PRH1: variants seen among roughly 807,000 people sequenced by gnomAD.
PRH1 encodes the protein proline rich protein HaeIII subfamily 1.
PRH1 carries 7 observed loss-of-function variants against 7.9 expected under a neutral mutation model. The ratio of observed to expected loss-of-function variants is 0.89; its 90% CI spans 0.50 to 1.67. The LOEUF (loss-of-function observed/expected upper bound fraction) is 1.67. Ranked by LOEUF, PRH1 falls within the 40% of genes most tolerant of loss-of-function variation. The pLI is 0.00. For synonymous variants in PRH1, 45 were observed against 80.8 expected, an observed-to-expected ratio of 0.56 and a Z score of 2.38; for missense variants, 109 against 223.6, an observed-to-expected ratio of 0.49 and a Z score of 3.27.
chr12:11,081,659 T>A (rs2136233396), intron 1 of PRH1, among the ~76,000 whole-genome samples: 1 of 116,174 alleles, frequency 8.6e-6, no homozygotes, highest in South Asian at 2.3e-4. Context: ...CAGAACTACC[T>A]CTCAAAATAT....
intron 2 of PRH1, among the ~76,000 whole-genome samples, chr12:10,921,403 T>C (rs1207294258): frequency 6.6e-6 from 1 of 152,148 alleles, no homozygotes; most frequent in East Asian, 1.9e-4. Context: ...ACCTATGCTT[T>C]TTAAAAACTT....
chr12:10,989,664 T>G (rs1939833575), intron 1 of PRH1, among the ~76,000 whole-genome samples: 1 of 152,176 alleles, frequency 6.6e-6, no homozygotes, highest in Non-Finnish European at 1.5e-5. Context: ...TATGCACATA[T>G]TTACCACTTC....
At chr12:10,914,926 A>T (rs1949952305) in intron 2 of PRH1, among the ~76,000 whole-genome samples, 1 of 152,200 alleles carries the variant, frequency 6.6e-6, no homozygotes, top group Admixed American at 6.5e-5. Flanking sequence ...CAGGAGATCG[A>T]GACCACCCTG....
At chr12:11,122,698 T>C (rs1420948311) in intron 1 of PRH1, among the ~76,000 whole-genome samples, 1 of 152,288 alleles carries the variant, frequency 6.6e-6, no homozygotes, top group Non-Finnish European at 1.5e-5. Context: ...GAGTTATACA[T>C]GAATGTATAC....
At chr12:10,977,320 T>C (rs1023637005) in intron 1 of PRH1, among the ~76,000 whole-genome samples, 1 of 152,182 alleles carries the variant, frequency 6.6e-6, no homozygotes, top group African/African-American at 2.4e-5. Flanking sequence ...GAAAATCGCA[T>C]TATCATCTCG....
At chr12:11,064,079 A>G (rs931064135) in intron 1 of PRH1, among the ~76,000 whole-genome samples, 3 of 152,096 alleles carry the variant, frequency 2.0e-5, no homozygotes, top group Non-Finnish European at 2.9e-5. Context: ...AAGGAACACC[A>G]AACACAACCT....
intron 1 of PRH1, chr12:10,997,382 T>G (rs1281054206): frequency 8.1e-6 from 13 of 1,614,152 alleles, no homozygotes; most frequent in Non-Finnish European, 1.1e-5. Context: ...CAGTTTGATC[T>G]TCCAAGTTAC....
chr12:11,116,787 G>T (rs1420151609), downstream of PRH1, among the ~76,000 whole-genome samples: 1 of 152,048 alleles, frequency 6.6e-6, no homozygotes, highest in Non-Finnish European at 1.5e-5. Context: ...ATCAATCAAT[G>T]TGATACATCA....
At chr12:11,020,391 T>TATATATA (rs1941555578) in intron 1 of PRH1, among the ~76,000 whole-genome samples, 1 of 75,184 alleles carries the variant, frequency 1.3e-5, no homozygotes, top group African/African-American at 3.6e-5. Flanking sequence ...TATATATATA[T>TATATATA]GTCTATAGAT....
chr12:11,142,257 T>C (rs925906522), intron 1 of PRH1, among the ~76,000 whole-genome samples: 7 of 151,840 alleles, frequency 4.6e-5, no homozygotes, highest in Admixed American at 1.3e-4. Flanking sequence ...ACAAGGAGAG[T>C]CTTTATAGGT....
rs1945063451 is a variant in PRH1, at chr12:11,096,127, T to C, written n.124-48939A>G. Among the ~76,000 whole-genome samples, 2 of 116,084 alleles carry C rather than the reference T, an allele frequency of 1.7e-5. 1 individual carries two copies. Among genetic ancestry groups the C allele is most frequent in the Non-Finnish European group, 4.1e-5 (2 of 49,104 alleles). 76.2% of individuals were successfully genotyped at this position (116,084 alleles called of 152,430 possible). A position where few individuals can be genotyped will look rare whatever the true frequency, so the allele number is the denominator to read the frequency against. ...TATGAACTGATATACTTTATCACTTTTGGAAAAATCTCCACATTGCTTCTG... is the reference window on the plus strand; with the variant it reads ...TATGAACTGATATACTTTATCACTTCTGGAAAAATCTCCACATTGCTTCTG... On this transcript the variant is annotated intron_variant and non_coding_transcript_variant, in intron 1 of 4. Transcript: ENST00000541977.
chr12:11,167,328 G>C (rs1358750996), intron 1 of PRH1, among the ~76,000 whole-genome samples: 1 of 151,934 alleles, frequency 6.6e-6, no homozygotes, highest in Admixed American at 6.6e-5. Context: ...CTCAACCTTT[G>C]TAAGAATTTG....
intron 2 of PRH1, among the ~76,000 whole-genome samples, chr12:10,966,732 G>A (rs1023018317): frequency 1.3e-5 from 2 of 152,162 alleles, no homozygotes; most frequent in African/African-American, 4.8e-5. Context: ...AAGCGTGTGG[G>A]AAATATGTCC....
chr12:11,046,051 T>C (rs529701817), intron 1 of PRH1, among the ~76,000 whole-genome samples: 1 of 152,146 alleles, frequency 6.6e-6, no homozygotes, highest in South Asian at 2.1e-4. Flanking sequence ...ATTTTGCACA[T>C]CTGCCAAAAT....
rs748717785 is a variant in PRH1 at position 10,986,533 on chromosome 12, T to A, written c.-125-12812A>T. Reference sequence around the variant, plus strand: ...AAAAGAAGGTTGGAGAAATTGGCAATCTTGAGCAAATAAAATATGCTGAGG... The same window carrying A: ...AAAAGAAGGTTGGAGAAATTGGCAAACTTGAGCAAATAAAATATGCTGAGG... On this transcript the variant is annotated intron_variant, in intron 1 of 3. Coordinates refer to the PRH1 transcript ENST00000539853. The A allele has an allele frequency of 6.2e-7, 1 of 1,614,106 alleles. No homozygotes were observed. The highest frequency in any genetic ancestry group is 2.2e-5 in the East Asian group (1 of 44,878).
At chr12:10,985,906 C>T (rs1939591919) in intron 1 of PRH1, 2 of 1,500,392 alleles carry the variant, frequency 1.3e-6, no homozygotes, top group Middle Eastern at 1.8e-4. Flanking sequence ...TCCTAGAATA[C>T]ACACACAATG....
chr12:11,022,508 C>T (rs748506685), intron 1 of PRH1: 5 of 1,613,740 alleles, frequency 3.1e-6, no homozygotes, highest in Non-Finnish European at 4.2e-6. Flanking sequence ...CCATTGGCAA[C>T]ATTTCCAAGA....
intron 1 of PRH1, among the ~76,000 whole-genome samples, chr12:11,038,746 T>G (rs1262418523): frequency 1.3e-5 from 2 of 152,278 alleles, no homozygotes; most frequent in Non-Finnish European, 2.9e-5. Flanking sequence ...GTGATATGCA[T>G]GTGAATGTAT....
chr12:11,167,551 T>C (rs1191184975), intron 1 of PRH1, among the ~76,000 whole-genome samples: 1 of 151,836 alleles, frequency 6.6e-6, no homozygotes, highest in Non-Finnish European at 1.5e-5. Context: ...TTCACACCAT[T>C]CTCCTGCCTC....
Sources: allele counts gnomAD v4.1 joint callset (sites outside exome capture counted in the v4.1 genomes callset), GRCh38; gene constraint gnomAD v4.1.1; transcripts MANE v1.5; gene names NCBI Gene and HGNC (gene_info 2026-07-23, HGNC 2026-07-21).